The following DLG2 variants were observed in gnomAD, a reference collection of about 807,000 sequenced individuals.
The protein encoded by DLG2 is discs large MAGUK scaffold protein 2.
Under a neutral mutation model 132.5 loss-of-function variants are expected in DLG2, and 45 were observed. The ratio of observed to expected loss-of-function variants is 0.34; its 90% CI spans 0.27 to 0.44. The LOEUF (loss-of-function observed/expected upper bound fraction) is 0.44. DLG2 is among the 20% of genes least tolerant of loss of function. The probability of loss-of-function intolerance (pLI) is 1.00; values close to 1 mark genes in which losing one functional copy is unlikely to be tolerated. For synonymous variants in DLG2, 424 were observed against 419.6 expected, an observed-to-expected ratio of 1.01 and a Z score of -0.13; for missense variants, 1,045 against 1,196.9, an observed-to-expected ratio of 0.87 and a Z score of 1.87.
intron 17 of DLG2, among the ~76,000 whole-genome samples, chr11:83,814,364 A>G (rs2048253448): frequency 6.6e-6 from 1 of 152,192 alleles, no homozygotes; most frequent in Admixed American, 6.5e-5. Context: ...TCCTATTTTT[A>G]GGAATTCAAG....
At chr11:84,582,989 CA>C (rs1321068488) in intron 6 of DLG2, among the ~76,000 whole-genome samples, 1 of 152,170 alleles carries the variant, frequency 6.6e-6, no homozygotes, top group East Asian at 1.9e-4. Context: ...TAAGAAATGT[CA>C]ATTTCATGGT....
chr11:84,413,214 C>A (rs1471282054), intron 7 of DLG2, among the ~76,000 whole-genome samples: 2 of 152,142 alleles, frequency 1.3e-5, no homozygotes, highest in African/African-American at 4.8e-5. Flanking sequence ...CTATTCCAGT[C>A]CTCTATCTCT....
intron 6 of DLG2, among the ~76,000 whole-genome samples, chr11:84,993,023 C>T (rs1046915192): frequency 2.0e-5 from 3 of 152,212 alleles, no homozygotes; most frequent in Non-Finnish European, 4.4e-5. Flanking sequence ...TTGGAACCAA[C>T]CCAAATGCCC....
intron 18 of DLG2, among the ~76,000 whole-genome samples, chr11:83,677,566 A>G (rs1417314303): frequency 2.0e-5 from 3 of 152,190 alleles, no homozygotes; most frequent in African/African-American, 4.8e-5. Flanking sequence ...AATACTTCCA[A>G]CAATGCATTC....
At chr11:84,597,239 A>G (rs1433144629) in intron 6 of DLG2, among the ~76,000 whole-genome samples, 1 of 152,166 alleles carries the variant, frequency 6.6e-6, no homozygotes, top group Admixed American at 6.5e-5. Context: ...AAAAAGAAAA[A>G]AAAATGAATG....
chr11:84,238,111 C>T (rs1309460907), intron 8 of DLG2, among the ~76,000 whole-genome samples: 2 of 149,912 alleles, frequency 1.3e-5, no homozygotes, highest in African/African-American at 4.9e-5. Flanking sequence ...AAGTCAGTCA[C>T]TGAAACAAGG....
At chr11:85,459,604 G>C (rs1368810569) in intron 3 of DLG2, among the ~76,000 whole-genome samples, 3 of 152,078 alleles carry the variant, frequency 2.0e-5, no homozygotes, top group African/African-American at 7.2e-5. Context: ...AAGAGTAAGG[G>C]GTGGGAGCTC....
chr11:84,857,450 C>G (rs1180864308), intron 6 of DLG2, among the ~76,000 whole-genome samples: 2 of 150,458 alleles, frequency 1.3e-5, no homozygotes, highest in African/African-American at 4.9e-5. Context: ...GAGCTGGAAA[C>G]TAGTATGTTT....
At position 83,761,982 on chromosome 11, in the gene DLG2, C is replaced by T. The variant is rs113992841; in HGVS notation, c.1825+24708G>A. ...AGATGCTGGGCAAGTACCAACAAACCGTGAGAAGAACACTGTTCTAATCCT... is the reference window on the plus strand; with the variant it reads ...AGATGCTGGGCAAGTACCAACAAACTGTGAGAAGAACACTGTTCTAATCCT... On this transcript the variant is annotated intron_variant, in intron 18 of 27. Transcript: ENST00000376104. Among the ~76,000 whole-genome samples, 631 of 152,224 alleles carry T rather than the reference C, an allele frequency of 4.1e-3. 7 individuals carry two copies. The highest frequency in any genetic ancestry group is 0.014 in the African/African-American group (589 of 41,528).
chr11:85,572,007 TTAAG>T (rs2077870542), intron 3 of DLG2, among the ~76,000 whole-genome samples: 1 of 152,142 alleles, frequency 6.6e-6, no homozygotes, highest in African/African-American at 2.4e-5. Flanking sequence ...TAGAACCAGA[TTAAG>T]TTTTTTTTAA....
intron 4 of DLG2, among the ~76,000 whole-genome samples, chr11:85,253,789 T>C (rs2076523515): frequency 6.6e-6 from 1 of 151,990 alleles, no homozygotes; most frequent in Non-Finnish European, 1.5e-5. Flanking sequence ...CCAATGAAAG[T>C]GGCTCTCAGT....
Position 84,494,190 on chromosome 11 carries a change from T to C in DLG2, c.519+40380A>G, listed in dbSNP as rs540494407. On this transcript the variant is annotated intron_variant, in intron 7 of 27. Transcript: ENST00000376104. ...AGGATCCCTTTACAAAAGGCAAACA[T>C]TTCTTGTGTGTGGTCAAGAAAAAGC... 2.0e-5 allele frequency among the ~76,000 whole-genome samples: 3 copies of C among 152,296 alleles called. 1 individual carries two copies. The highest frequency in any genetic ancestry group is 7.2e-5 in the African/African-American group (3 of 41,578).
intron 8 of DLG2, among the ~76,000 whole-genome samples, chr11:84,199,601 A>G (rs2096565939): frequency 2.0e-5 from 3 of 152,094 alleles, no homozygotes; most frequent in Admixed American, 2.0e-4. Context: ...GTAAACTGAA[A>G]ATAATTTTAA....
At chr11:84,593,344 C>A (rs551751699) in intron 6 of DLG2, among the ~76,000 whole-genome samples, 2 of 152,106 alleles carry the variant, frequency 1.3e-5, no homozygotes, top group Non-Finnish European at 2.9e-5. Context: ...CACAGGCACA[C>A]GTATGTATAT....
At chr11:84,451,395 A>T (rs1489265033) in intron 7 of DLG2, among the ~76,000 whole-genome samples, 1 of 151,830 alleles carries the variant, frequency 6.6e-6, no homozygotes, top group Non-Finnish European at 1.5e-5. Context: ...GAAATGGAGA[A>T]GTGTTGTCAA....
chr11:84,282,654 G>A (rs1378211896), intron 7 of DLG2, among the ~76,000 whole-genome samples: 1 of 151,900 alleles, frequency 6.6e-6, no homozygotes, highest in Non-Finnish European at 1.5e-5. Flanking sequence ...GGGGTTGGGG[G>A]AGAAAAAAAA....
intron 6 of DLG2, among the ~76,000 whole-genome samples, chr11:84,596,702 G>T (rs1351464160): frequency 6.6e-6 from 1 of 152,124 alleles, no homozygotes; most frequent in Non-Finnish European, 1.5e-5. Flanking sequence ...TCATGCGTTT[G>T]CCACAGGAAG....
At chr11:83,642,448 C>T (rs908429140) in intron 18 of DLG2, among the ~76,000 whole-genome samples, 2 of 152,166 alleles carry the variant, frequency 1.3e-5, no homozygotes, top group Non-Finnish European at 2.9e-5. Flanking sequence ...GATGGAGAAA[C>T]TTTACAGAGG....
chr11:83,718,240 T>C (rs1433958627), intron 18 of DLG2, among the ~76,000 whole-genome samples: 1 of 152,156 alleles, frequency 6.6e-6, no homozygotes, highest in Non-Finnish European at 1.5e-5. Context: ...TCTAAGGTCA[T>C]TAAGAGTTTG....
Sources: allele counts gnomAD v4.1 joint callset (sites outside exome capture counted in the v4.1 genomes callset), GRCh38; gene constraint gnomAD v4.1.1; transcripts MANE v1.5; gene names NCBI Gene and HGNC (gene_info 2026-07-23, HGNC 2026-07-21).